PHACTR2: variants seen among roughly 807,000 people sequenced by gnomAD.
PHACTR2 encodes the protein phosphatase and actin regulator 2.
A neutral mutation model predicts 76.0 loss-of-function variants in PHACTR2; 30 were observed. That is an observed-to-expected ratio of 0.39 (90% CI 0.30 to 0.54). The LOEUF (loss-of-function observed/expected upper bound fraction) is 0.54, where lower values mean the gene tolerates loss of function less well. Ranked by LOEUF, PHACTR2 falls within the 20% of genes least tolerant of loss-of-function variation. The pLI is 0.61. For synonymous variants in PHACTR2, 292 were observed against 292.5 expected, an observed-to-expected ratio of 1.00 and a Z score of 0.02; for missense variants, 696 against 781.1, an observed-to-expected ratio of 0.89 and a Z score of 1.30.
Position 143,581,772 on chromosome 6 carries a change from C to T in PHACTR2, c.217+44565C>T, listed in dbSNP as rs1775577204. On this transcript the variant is annotated intron_variant, in intron 1 of 11. Coordinates refer to the PHACTR2 transcript ENST00000367584. This position sits in a 1 kb window ranked among gnomAD's most constrained non-coding sequence, Gnocchi z 4.5. ...CCTGAGCCTGGGAAAGTCGAGGCTG[C>T]AGTGAGCCATGATCACGCCACTGCA... 6.6e-6 allele frequency among the ~76,000 whole-genome samples: 1 copy of T among 152,092 alleles called. No individual in the cohort carries two copies. The highest frequency in any genetic ancestry group is 2.4e-5 in the African/African-American group (1 of 41,416).
chr6:143,558,027 T>C lies in PHACTR2; in HGVS notation c.217+20820T>C, dbSNP rs981248975. On this transcript the variant is annotated intron_variant, in intron 1 of 11. Transcript: ENST00000367584. This position sits in a 1 kb window ranked among gnomAD's most constrained non-coding sequence, Gnocchi z 4.7. ...CTTCAGGAGACACCAGACTGAACTC[T>C]TTCTCTCTGACGTTCTCCTTGGGTC... 2.6e-5 allele frequency: 4 copies of C among 152,274 alleles called. No homozygotes were observed. The highest frequency in any genetic ancestry group is 9.6e-5 in the African/African-American group (4 of 41,562). The allele number at this position is 152,274 out of a possible 1,614,324, so 9.4% of individuals were successfully genotyped here.
chr6:143,757,857 C>A lies in PHACTR2; in HGVS notation c.455-2544C>A, dbSNP rs961795364. Among the ~76,000 whole-genome samples, 1 of 151,874 alleles carries A rather than the reference C, an allele frequency of 6.6e-6. No homozygotes were observed. Among genetic ancestry groups the A allele is most frequent in the Non-Finnish European group, 1.5e-5 (1 of 67,990 alleles). ...GACATAGTGTTTACAGCATTGTGTT[C>A]GATGGAATTTTAAATTTCAGACAAA... On this transcript the variant is annotated intron_variant, in intron 4 of 12. Coordinates refer to ENST00000440869, the MANE Select transcript of PHACTR2 (RefSeq NM_001100164.2). This position sits in a 1 kb window ranked among gnomAD's most constrained non-coding sequence, Gnocchi z 4.2.
intron 1 of PHACTR2, among the ~76,000 whole-genome samples, chr6:143,670,757 AG>A (rs1419656156): frequency 6.6e-6 from 1 of 151,964 alleles, no homozygotes; most frequent in Non-Finnish European, 1.5e-5. Flanking sequence ...CCTTTTTTCC[AG>A]GTTCTTAGCT....
rs1777158725 is a variant in PHACTR2, at chr6:143,671,849, G to C, written c.14-40167G>C. ...CCAAATGCCCATTAACTGGTAAACA[G>C]ATAAACAAACTTTTGTATAGCCATA... is the stretch of plus-strand genomic sequence containing the variant. On this transcript the variant is annotated intron_variant, in intron 1 of 11. Coordinates refer to the PHACTR2 transcript ENST00000305766. The surrounding 1 kb of genome is among the most constrained non-coding windows in gnomAD (Gnocchi z 4.6). Among the ~76,000 whole-genome samples the C allele has an allele frequency of 6.6e-6, 1 of 152,074 alleles. No individual in the cohort carries two copies.
At position 143,576,148 on chromosome 6, in the gene PHACTR2, T is replaced by G. The variant is rs547734675; in HGVS notation, c.217+38941T>G. ...TTGGAGCATCTGCAAGCTTGGTGTCTTCACATTAGATTACTCTTTGTGTGC... is the reference window on the plus strand; with the variant it reads ...TTGGAGCATCTGCAAGCTTGGTGTCGTCACATTAGATTACTCTTTGTGTGC... On this transcript the variant is annotated intron_variant, in intron 1 of 11. Transcript: ENST00000367584. Among the ~76,000 whole-genome samples the G allele has an allele frequency of 3.9e-5, 6 of 152,356 alleles. No individual in the cohort carries two copies. The South Asian group carries it at 1.2e-3, about 32-fold the overall frequency.
In PHACTR2 at chr6:143,783,004, C is replaced by CGT. The variant is rs1428309329; in HGVS notation, c.1646-215_1646-214insGT. Among the ~76,000 whole-genome samples, 657 of 41,808 alleles carry CGT rather than the reference C, an allele frequency of 0.016. 6 individuals carry two copies. The highest frequency in any genetic ancestry group is 0.048 in the African/African-American group (559 of 11,672). 27.4% of individuals were successfully genotyped at this position (41,808 alleles called of 152,430 possible). ...AAGCAAACCAGTCCTACAAAAAAAGCATGTGTGTGTGTGTGTGTGTGTGTG... is the reference window on the plus strand; with the variant it reads ...AAGCAAACCAGTCCTACAAAAAAAGCGTATGTGTGTGTGTGTGTGTGTGTGTG... On this transcript the variant is annotated intron_variant, in intron 9 of 12. Transcript: ENST00000440869. The surrounding 1 kb of genome is among the most constrained non-coding windows in gnomAD (Gnocchi z 5.2).
At position 143,818,959 on chromosome 6, in the gene PHACTR2, C is replaced by G. The variant is rs1486022058; in HGVS notation, c.1923-4715C>G. On this transcript the variant is annotated intron_variant, in intron 12 of 12. Transcript: ENST00000440869. This position sits in a 1 kb window ranked among gnomAD's most constrained non-coding sequence, Gnocchi z 4.9. ...ATTTTTATAGAACTTCCATATTTTG[C>G]TTCAGGTTGTGGTTGACTCTTCCTA... Among the ~76,000 whole-genome samples the G allele has an allele frequency of 6.6e-6, 1 of 152,116 alleles. No individual in the cohort carries two copies. Among genetic ancestry groups the G allele is most frequent in the Non-Finnish European group, 1.5e-5 (1 of 68,018 alleles).
intron 9 of PHACTR2, among the ~76,000 whole-genome samples, chr6:143,779,327 C>G (rs114108746): frequency 6.7e-6 from 1 of 149,746 alleles, no homozygotes; most frequent in Non-Finnish European, 1.5e-5. Context: ...TTTTTAAGGA[C>G]GTTTACTTTA....
chr6:143,640,662 TAAAC>T (rs940406981), intron 1 of PHACTR2, among the ~76,000 whole-genome samples: 3 of 152,334 alleles, frequency 2.0e-5, no homozygotes, highest in African/African-American at 7.2e-5. Flanking sequence ...AATACATTAA[TAAAC>T]TACTACTTAA....
rs1458581758 is a variant in PHACTR2 at position 143,543,469 on chromosome 6, T to C, written c.217+6262T>C. On this transcript the variant is annotated intron_variant, in intron 1 of 11. Coordinates refer to the PHACTR2 transcript ENST00000367584. The surrounding 1 kb of genome is among the most constrained non-coding windows in gnomAD (Gnocchi z 4.7). The stretch of plus-strand genomic sequence containing the variant: ...GACCACAGTGCAATAAAGTATAAGC[T>C]ATGATTAGTGCCCTGTCCTGGGCCT... 1.3e-5 allele frequency among the ~76,000 whole-genome samples: 2 copies of C among 152,174 alleles called. No individual in the cohort carries two copies. The highest frequency in any genetic ancestry group is 2.9e-5 in the Non-Finnish European group (2 of 68,026).
Position 143,787,368 on chromosome 6 carries a change from T to C in PHACTR2, c.1708-1405T>C, listed in dbSNP as rs993627229. On this transcript the variant is annotated intron_variant, in intron 10 of 12. Transcript: ENST00000440869. The surrounding 1 kb of genome is among the most constrained non-coding windows in gnomAD (Gnocchi z 4.6). The stretch of plus-strand genomic sequence containing the variant: ...GGCAGCAAGAAGCTAGCAATATAGA[T>C]TGGACAGCAACTAGACTATAGCAGA... 6.6e-6 allele frequency among the ~76,000 whole-genome samples: 1 copy of C among 152,228 alleles called. No individual in the cohort carries two copies. The highest frequency in any genetic ancestry group is 1.5e-5 in the Non-Finnish European group (1 of 68,040).
intron 1 of PHACTR2, among the ~76,000 whole-genome samples, chr6:143,567,330 A>G (rs563026544): frequency 3.9e-5 from 6 of 152,088 alleles, no homozygotes; most frequent in Non-Finnish European, 7.4e-5. Context: ...ACTTTCTCCT[A>G]TAGTTTTCTC....
intron 1 of PHACTR2, among the ~76,000 whole-genome samples, chr6:143,586,804 T>A (rs1775635753): frequency 6.6e-6 from 1 of 152,196 alleles, no homozygotes; most frequent in South Asian, 2.1e-4. Flanking sequence ...AGTGTCTAAT[T>A]GAAAACTGCT....
In PHACTR2 at chr6:143,823,867, T is replaced by C; in HGVS notation, c.*178T>C. Reference sequence around the variant, plus strand: ...TCCTCACCTGTGTGGCCCAGATGGCTCCAACAAGCAAAAGGAAGGATGCAG... The same window carrying C: ...TCCTCACCTGTGTGGCCCAGATGGCCCCAACAAGCAAAAGGAAGGATGCAG... On this transcript the variant is annotated 3_prime_UTR_variant, in exon 13 of 13. Transcript: ENST00000440869. The surrounding 1 kb of genome is among the most constrained non-coding windows in gnomAD (Gnocchi z 5.7). 1 of 538,632 alleles carries C rather than the reference T, an allele frequency of 1.9e-6. No homozygotes were observed. The highest frequency in any genetic ancestry group is 3.4e-6 in the Non-Finnish European group (1 of 293,898). 33.4% of individuals were successfully genotyped at this position (538,632 alleles called of 1,614,324 possible). A position where few individuals can be genotyped will look rare whatever the true frequency, so the allele number is the denominator to read the frequency against.
rs200001036 is a variant in PHACTR2 at position 143,578,645 on chromosome 6, TGAGGAG to T, written c.217+41453_217+41458del. 5.6e-4 allele frequency among the ~76,000 whole-genome samples: 84 copies of T among 150,682 alleles called. No individual in the cohort carries two copies. Among genetic ancestry groups the T allele is most frequent in the African/African-American group, 1.9e-3 (76 of 41,018 alleles). On this transcript the variant is annotated intron_variant, in intron 1 of 11. Transcript: ENST00000367584. The surrounding 1 kb of genome is among the most constrained non-coding windows in gnomAD (Gnocchi z 4.5). ...GAGGGCCTGGACAATGAGGAGAGGA[TGAGGAG>T]GAGGAGGAGGAGGAAGGAGAAGAGG... is the stretch of plus-strand genomic sequence containing the variant.
rs1008990674 is a variant in PHACTR2, at chr6:143,647,299, C to T, written c.13+38977C>T. The stretch of plus-strand genomic sequence containing the variant: ...AAAGCTAAAAAGCTTGCTAAAGTCA[C>T]GTGGCTAATGAGTAATAACAAGATT... On this transcript the variant is annotated intron_variant, in intron 1 of 11. Transcript: ENST00000305766. The surrounding 1 kb of genome is among the most constrained non-coding windows in gnomAD (Gnocchi z 4.2). 3.9e-5 allele frequency among the ~76,000 whole-genome samples: 6 copies of T among 152,290 alleles called. No individual in the cohort carries two copies. Among genetic ancestry groups the T allele is most frequent in the African/African-American group, 1.4e-4 (6 of 41,552 alleles).
rs936307385 is a variant in PHACTR2 at position 143,639,817 on chromosome 6, A to G, written c.13+31495A>G. Among the ~76,000 whole-genome samples the G allele has an allele frequency of 6.6e-6, 1 of 152,238 alleles. No individual in the cohort carries two copies. Among genetic ancestry groups the G allele is most frequent in the Non-Finnish European group, 1.5e-5 (1 of 68,034 alleles). ...CAAAAGAAGTTTTAAGAACCACTGA[A>G]GGGTGATTTGATTTGCATTACATTT... is the stretch of plus-strand genomic sequence containing the variant. On this transcript the variant is annotated intron_variant, in intron 1 of 11. Coordinates refer to the PHACTR2 transcript ENST00000305766. The surrounding 1 kb of genome is among the most constrained non-coding windows in gnomAD (Gnocchi z 5.0).
In PHACTR2 at chr6:143,610,175, G is replaced by T. The variant is rs1162035452; in HGVS notation, c.13+1853G>T. Among the ~76,000 whole-genome samples the T allele has an allele frequency of 1.3e-5, 2 of 152,088 alleles. No homozygotes were observed. Among genetic ancestry groups the T allele is most frequent in the African/African-American group, 4.8e-5 (2 of 41,474 alleles). Reference sequence around the variant, plus strand: ...CTTTTCATGGTAATTTTTTGATGAGGTAAGCAGCCTCTCTTACAGGAGGAA... The same window carrying T: ...CTTTTCATGGTAATTTTTTGATGAGTTAAGCAGCCTCTCTTACAGGAGGAA... On this transcript the variant is annotated intron_variant, in intron 1 of 11. Transcript: ENST00000305766. The surrounding 1 kb of genome is among the most constrained non-coding windows in gnomAD (Gnocchi z 4.9).
chr6:143,742,728 C>A lies in PHACTR2; in HGVS notation c.215-6257C>A, dbSNP rs1246477957. ...GATGCTAGACATGCCTTTCCTCCTTCCCCCCAAAAAGACACTTAGGTCCCC... is the reference window on the plus strand; with the variant it reads ...GATGCTAGACATGCCTTTCCTCCTTACCCCCAAAAAGACACTTAGGTCCCC... On this transcript the variant is annotated intron_variant, in intron 2 of 12. Transcript: ENST00000440869. The surrounding 1 kb of genome is among the most constrained non-coding windows in gnomAD (Gnocchi z 4.5). 6.6e-6 allele frequency among the ~76,000 whole-genome samples: 1 copy of A among 152,154 alleles called. No individual in the cohort carries two copies. The highest frequency in any genetic ancestry group is 1.9e-4 in the East Asian group (1 of 5,198).
Sources: allele counts gnomAD v4.1 joint callset (sites outside exome capture counted in the v4.1 genomes callset), GRCh38; gene constraint gnomAD v4.1.1; non-coding constraint Gnocchi (gnomAD v3.1); transcripts MANE v1.5; gene names NCBI Gene and HGNC (gene_info 2026-07-23, HGNC 2026-07-21).